Variants in AVEN observed in about 807,000 individuals in gnomAD.
AVEN encodes the protein apoptosis and caspase activation inhibitor.
In AVEN, 41 loss-of-function variants were observed where a neutral mutation model predicts 38.1. The observed-to-expected ratio is 1.08, with a 90% CI of 0.84 to 1.40. The LOEUF (loss-of-function observed/expected upper bound fraction) is 1.40, where lower values mean the gene tolerates loss of function less well. AVEN is among the 40% of genes most tolerant of loss of function. AVEN has a pLI of 0.00. For missense variants in AVEN, 605 were observed against 438.8 expected (o/e 1.38, Z -3.38); for synonymous variants, 206 against 171.8 (o/e 1.20, Z -1.56).
intron 1 of AVEN, among the ~76,000 whole-genome samples, chr15:34,015,209 C>T (rs577342727): frequency 2.0e-5 from 3 of 152,126 alleles, no homozygotes; most frequent in Non-Finnish European, 4.4e-5. Context: ...ATAGGCCGGG[C>T]GCAGTGGCTC....
chr15:33,948,346 C>T (rs1385460911), intron 2 of AVEN, among the ~76,000 whole-genome samples: 2 of 152,038 alleles, frequency 1.3e-5, no homozygotes, highest in African/African-American at 2.4e-5. Context: ...CCACCCGGCT[C>T]GGCCTCCCAA....
chr15:33,891,187 T>C (rs1386971064), intron 2 of AVEN, among the ~76,000 whole-genome samples: 1 of 152,096 alleles, frequency 6.6e-6, no homozygotes, highest in Non-Finnish European at 1.5e-5. Flanking sequence ...CTTTAGAAAT[T>C]TATCCCCACA....
rs769979964 is a variant in AVEN, at chr15:33,876,004, A to AG, written c.446-10dup. The AG allele has an allele frequency of 5.0e-6, 8 of 1,601,350 alleles. No individual in the cohort carries two copies. The highest frequency in any genetic ancestry group is 2.2e-5 in the East Asian group (1 of 44,798). On this transcript the variant is annotated splice_polypyrimidine_tract_variant and intron_variant, in intron 2 of 5. Transcript: ENST00000306730. ...CTGTGAGAATGAGTCCCCTAGGAAT[A>AG]GGAAAAAAAAAAAAATTTATGCAAA...
intron 1 of AVEN, chr15:34,018,166 G>C (rs7175970): frequency 6.6e-6 from 1 of 152,188 alleles, no homozygotes; most frequent in African/African-American, 2.4e-5. Context: ...TATTCCAAAA[G>C]AAGGCATTGT....
intron 5 of AVEN, among the ~76,000 whole-genome samples, chr15:34,052,606 T>A (rs1899968286): frequency 6.6e-6 from 1 of 152,246 alleles, no homozygotes; most frequent in South Asian, 2.1e-4. Context: ...CTCCATCATT[T>A]CAGCCTAAAA....
intron 5 of AVEN, among the ~76,000 whole-genome samples, chr15:34,051,503 G>T (rs1043492275): frequency 6.6e-6 from 1 of 152,156 alleles, no homozygotes; most frequent in South Asian, 2.1e-4. Context: ...GAGTTGAACT[G>T]AAGGAGATAG....
intron 1 of AVEN, among the ~76,000 whole-genome samples, chr15:34,020,025 T>C (rs541920098): frequency 1.3e-5 from 2 of 151,930 alleles, no homozygotes; most frequent in Non-Finnish European, 2.9e-5. Flanking sequence ...AAAATAGAGG[T>C]TTTAGGCTGG....
At position 33,978,674 on chromosome 15, in the gene AVEN, A is replaced by T. The variant is rs1226197108; in HGVS notation, c.445+24358T>A. On this transcript the variant is annotated intron_variant, in intron 2 of 5. Coordinates refer to ENST00000306730, the MANE Select transcript of AVEN (RefSeq NM_020371.3). The stretch of plus-strand genomic sequence containing the variant: ...TGAGACTCTGTTTCAAAATAAATAA[A>T]TAAATAAATAAAAATAAAAATAAAT... 3.9e-5 allele frequency among the ~76,000 whole-genome samples: 6 copies of T among 152,060 alleles called. No individual in the cohort carries two copies. In the East Asian group the frequency reaches 1.2e-3, roughly 29 times the overall value.
chr15:33,930,404 G>C (rs549735927), intron 2 of AVEN, among the ~76,000 whole-genome samples: 1 of 151,888 alleles, frequency 6.6e-6, no homozygotes, highest in East Asian at 1.9e-4. Context: ...TTTAGGTTCA[G>C]TTTAAGCCAA....
chr15:33,857,335 G>A (rs964491418), downstream of AVEN, among the ~76,000 whole-genome samples: 4 of 151,966 alleles, frequency 2.6e-5, no homozygotes, highest in African/African-American at 9.7e-5. Context: ...GTCCCTTCAC[G>A]TGTGCCTGTG....
chr15:33,961,051 A>G (rs1345709037), intron 2 of AVEN, among the ~76,000 whole-genome samples: 1 of 152,080 alleles, frequency 6.6e-6, no homozygotes, highest in East Asian at 1.9e-4. Flanking sequence ...TCCAGGCTAG[A>G]GTGCACTGGT....
intron 5 of AVEN, among the ~76,000 whole-genome samples, chr15:34,059,194 GCCT>G (rs1900257775): frequency 6.6e-6 from 1 of 152,124 alleles, no homozygotes; most frequent in African/African-American, 2.4e-5. Context: ...ACCACACCTG[GCCT>G]CCTTATTTTT....
intron 1 of AVEN, among the ~76,000 whole-genome samples, chr15:34,007,890 T>G (rs956146044): frequency 6.6e-6 from 1 of 152,192 alleles, no homozygotes; most frequent in Admixed American, 6.5e-5. Flanking sequence ...CCTTTGCCAT[T>G]TTCACATGGC....
At chr15:33,994,343 T>C (rs1409318533) in intron 2 of AVEN, among the ~76,000 whole-genome samples, 1 of 152,168 alleles carries the variant, frequency 6.6e-6, no homozygotes, top group Non-Finnish European at 1.5e-5. Context: ...CTCCCATCAT[T>C]CCCAGATGGG....
chr15:33,888,272 G>A (rs16958242), intron 2 of AVEN, among the ~76,000 whole-genome samples: 12,095 of 152,114 alleles, frequency 0.08, 693 homozygotes, highest in South Asian at 0.15. Flanking sequence ...TACAGAACAT[G>A]CAATGACAGA....
At chr15:33,897,298 A>ATTT (rs1597207072) in intron 2 of AVEN, among the ~76,000 whole-genome samples, 10 of 4,800 alleles carry the variant, frequency 2.1e-3, no homozygotes, top group South Asian at 0.016. Context: ...TAAATTAATT[A>ATTT]ATTAATTTAT....
At chr15:34,000,751 T>C (rs1243167293) in intron 2 of AVEN, among the ~76,000 whole-genome samples, 2 of 152,162 alleles carry the variant, frequency 1.3e-5, no homozygotes, top group African/African-American at 4.8e-5. Flanking sequence ...CTCAGTCTTA[T>C]GCTATCCTGA....
chr15:33,948,398 T>A (rs1318657131), intron 2 of AVEN, among the ~76,000 whole-genome samples: 1 of 152,150 alleles, frequency 6.6e-6, no homozygotes. Flanking sequence ...CCCAGCCTAT[T>A]TTTTATATTT....
rs144448524 is a variant in AVEN, at chr15:34,001,570, A to G, written c.445+1462T>C. 2.6e-3 allele frequency among the ~76,000 whole-genome samples: 395 copies of G among 152,268 alleles called. 3 individuals are homozygous for G. The highest frequency in any genetic ancestry group is 9.1e-3 in the African/African-American group (380 of 41,552). Reference sequence around the variant, plus strand: ...GAAGAAAAGTGCTTATAAACCCATAATTGGCCAAAATATAGGTACCAAGAG... The same window carrying G: ...GAAGAAAAGTGCTTATAAACCCATAGTTGGCCAAAATATAGGTACCAAGAG... On this transcript the variant is annotated intron_variant, in intron 2 of 5. Coordinates refer to ENST00000306730, the MANE Select transcript of AVEN (RefSeq NM_020371.3).
Sources: allele counts gnomAD v4.1 joint callset (sites outside exome capture counted in the v4.1 genomes callset), GRCh38; gene constraint gnomAD v4.1.1; transcripts MANE v1.5; gene names NCBI Gene and HGNC (gene_info 2026-07-23, HGNC 2026-07-21).